Variants in SV2C observed in about 807,000 individuals in gnomAD.
SV2C encodes synaptic vesicle glycoprotein 2C.
SV2C carries 49 observed loss-of-function variants against 79.7 expected under a neutral mutation model. The ratio of observed to expected loss-of-function variants is 0.61; its 90% CI spans 0.49 to 0.78. SV2C has a LOEUF of 0.78. Ranked by LOEUF, SV2C falls within the 30% of genes least tolerant of loss-of-function variation. SV2C has a pLI of 0.00. For missense variants in SV2C, 833 were observed against 912.9 expected (o/e 0.91, Z 1.13); for synonymous variants, 334 against 333.2 (o/e 1.00, Z -0.03).
At chr5:76,318,658 C>A (rs1561315127) in intron 12 of SV2C, among the ~76,000 whole-genome samples, 1 of 152,144 alleles carries the variant, frequency 6.6e-6, no homozygotes, top group Non-Finnish European at 1.5e-5. Flanking sequence ...AAGGCAGCTG[C>A]AGTCACAGGG....
chr5:76,055,807 T>C, the SV2C span, among the ~76,000 whole-genome samples: 2 of 152,158 alleles, frequency 1.3e-5, no homozygotes, highest in South Asian at 2.1e-4. Context: ...TTGCCTGTTG[T>C]TGGTGAATAG....
intron 1 of SV2C, among the ~76,000 whole-genome samples, chr5:76,090,986 A>G (rs111452072): frequency 7.3e-4 from 111 of 152,346 alleles, no homozygotes; most frequent in African/African-American, 2.5e-3. Context: ...ACGTATTTTA[A>G]TATCACTTTT....
At chr5:75,919,544 C>G in the SV2C span, among the ~76,000 whole-genome samples, 1 of 152,176 alleles carries the variant, frequency 6.6e-6, no homozygotes, top group Non-Finnish European at 1.5e-5. Flanking sequence ...TAGAATGCAT[C>G]CTAAACCTTG....
intron 4 of SV2C, among the ~76,000 whole-genome samples, chr5:76,264,099 A>C (rs1053982935): frequency 6.6e-6 from 1 of 152,078 alleles, no homozygotes; most frequent in East Asian, 1.9e-4. Context: ...CTTTTCACAT[A>C]GTCCCCTATT....
At chr5:76,074,895 T>C in the SV2C span, among the ~76,000 whole-genome samples, 1 of 152,228 alleles carries the variant, frequency 6.6e-6, no homozygotes, top group East Asian at 1.9e-4. Flanking sequence ...AGAAATAAAC[T>C]TGAAACACAG....
chr5:76,017,992 T>C, the SV2C span, among the ~76,000 whole-genome samples: 1 of 152,186 alleles, frequency 6.6e-6, no homozygotes, highest in Non-Finnish European at 1.5e-5. Flanking sequence ...CTCATGCATG[T>C]GGTCACGGTG....
chr5:76,181,577 G>A (rs1018672557), intron 2 of SV2C, among the ~76,000 whole-genome samples: 1 of 152,104 alleles, frequency 6.6e-6, no homozygotes, highest in East Asian at 1.9e-4. Flanking sequence ...AAGCAAGCAT[G>A]TCTTACCATG....
At chr5:76,094,270 T>C (rs1222442962) in intron 1 of SV2C, among the ~76,000 whole-genome samples, 3 of 152,176 alleles carry the variant, frequency 2.0e-5, no homozygotes, top group African/African-American at 7.2e-5. Flanking sequence ...TACATCTGTG[T>C]AGCCAAAAGC....
intron 9 of SV2C, 63 bp from the exon 10 acceptor site, chr5:76,298,731 T>C (rs979346209): frequency 5.0e-5 from 79 of 1,580,778 alleles, no homozygotes; most frequent in Non-Finnish European, 6.6e-5. Flanking sequence ...ACTATTTGAC[T>C]TAGCTTTGAA....
At chr5:76,037,933 A>G in the SV2C span, among the ~76,000 whole-genome samples, 1 of 152,184 alleles carries the variant, frequency 6.6e-6, no homozygotes, top group African/African-American at 2.4e-5. Flanking sequence ...GGTGCCGGAT[A>G]TAATTTCCTG....
rs566305803 is a variant in SV2C, at chr5:76,151,883, G to A, written c.580+19553G>A. 2.2e-4 allele frequency among the ~76,000 whole-genome samples: 34 copies of A among 152,260 alleles called. No individual in the cohort carries two copies. The South Asian group carries it at 2.3e-3, about 10-fold the overall frequency. On this transcript the variant is annotated intron_variant, in intron 2 of 12. Coordinates refer to ENST00000502798, the MANE Select transcript of SV2C (RefSeq NM_014979.4). ...CTAAGAGGAAGCTGTCCAGGAAGGC[G>A]GTTGGAAATGGCTCCTGGGGCCTCA... is the stretch of plus-strand genomic sequence containing the variant.
intron 2 of SV2C, among the ~76,000 whole-genome samples, chr5:76,142,478 TA>T (rs2112211023): frequency 6.6e-6 from 1 of 152,366 alleles, no homozygotes; most frequent in East Asian, 1.9e-4. Context: ...TTATTTCACA[TA>T]AAGATTTTGG....
chr5:75,988,595 G>A, the SV2C span, among the ~76,000 whole-genome samples: 1 of 151,906 alleles, frequency 6.6e-6, no homozygotes, highest in African/African-American at 2.4e-5. Flanking sequence ...ACTGGAGAAA[G>A]CCACTGACTC....
chr5:75,947,004 G>T, the SV2C span, among the ~76,000 whole-genome samples: 44 of 152,060 alleles, frequency 2.9e-4, no homozygotes, highest in Non-Finnish European at 5.7e-4. Context: ...AGTCTGATTG[G>T]CTGAGTCTGG....
chr5:75,894,192 G>A, the SV2C span, among the ~76,000 whole-genome samples: 1 of 152,030 alleles, frequency 6.6e-6, no homozygotes, highest in African/African-American at 2.4e-5. Context: ...CTAGCCCAGA[G>A]GGATATCAGT....
intron 2 of SV2C, among the ~76,000 whole-genome samples, chr5:76,187,070 G>A (rs1269209422): frequency 6.6e-6 from 1 of 152,180 alleles, no homozygotes; most frequent in Non-Finnish European, 1.5e-5. Flanking sequence ...GTGTTAAACT[G>A]ATATGCGATG....
intron 4 of SV2C, among the ~76,000 whole-genome samples, chr5:76,280,718 G>A (rs1022552815): frequency 6.6e-6 from 1 of 152,204 alleles, no homozygotes; most frequent in African/African-American, 2.4e-5. Flanking sequence ...GGCGTCAGGG[G>A]CCTCCAGGTG....
In SV2C at chr5:76,288,545, T is replaced by TA. The variant is rs1455723161; in HGVS notation, c.1138-2674dup. 3.3e-5 allele frequency among the ~76,000 whole-genome samples: 5 copies of TA among 152,314 alleles called. No individual in the cohort carries two copies. The East Asian group carries it at 9.6e-4, about 29-fold the overall frequency. ...CATTATCTGGATATACAACATCACTTAACTCTTCTCAGCCAGATGAAGAAA... is the reference window on the plus strand; with the variant it reads ...CATTATCTGGATATACAACATCACTTAAACTCTTCTCAGCCAGATGAAGAAA... On this transcript the variant is annotated intron_variant, in intron 6 of 12. Transcript: ENST00000502798.
chr5:75,964,515 C>T, the SV2C span, among the ~76,000 whole-genome samples: 421 of 152,186 alleles, frequency 2.8e-3, no homozygotes, highest in African/African-American at 9.7e-3. Context: ...GTCAGACTCT[C>T]GGTAAGCTCC....
Sources: allele counts gnomAD v4.1 joint callset (sites outside exome capture counted in the v4.1 genomes callset), GRCh38; gene constraint gnomAD v4.1.1; transcripts MANE v1.5; gene names NCBI Gene and HGNC (gene_info 2026-07-23, HGNC 2026-07-21).